Variants in SLCO1A2 observed in about 807,000 individuals in gnomAD.
The protein encoded by SLCO1A2 is solute carrier organic anion transporter family member 1A2, also known as OATP-1.
SLCO1A2 carries 67 observed loss-of-function variants against 69.0 expected under a neutral mutation model. The observed-to-expected ratio is 0.97, with a 90% CI of 0.80 to 1.19. The LOEUF (loss-of-function observed/expected upper bound fraction) is 1.19, where lower values mean the gene tolerates loss of function less well. SLCO1A2 is among the 50% of genes most tolerant of loss of function. SLCO1A2 has a pLI of 0.00. For missense variants in SLCO1A2, 787 were observed against 793.7 expected, an observed-to-expected ratio of 0.99 and a Z score of 0.10; for synonymous variants, 260 against 265.9, an observed-to-expected ratio of 0.98 and a Z score of 0.22.
In SLCO1A2 at chr12:21,283,255, A is replaced by C. The variant is rs553270517; in HGVS notation, c.1611-7831T>G. 3.3e-5 allele frequency among the ~76,000 whole-genome samples: 5 copies of C among 152,308 alleles called. No individual in the cohort carries two copies. The East Asian group carries it at 9.6e-4, about 29-fold the overall frequency. On this transcript the variant is annotated intron_variant, in intron 12 of 14. Transcript: ENST00000683939. ...AATGGAGCAGAATAGAGAACTCTGAAAAAAAATCCATTCATCTATGGTGAA... is the reference window on the plus strand; with the variant it reads ...AATGGAGCAGAATAGAGAACTCTGACAAAAAATCCATTCATCTATGGTGAA...
At chr12:21,274,160 T>G (rs562639574) in intron 14 of SLCO1A2, 1 of 186,028 alleles carries the variant, frequency 5.4e-6, no homozygotes, top group Non-Finnish European at 1.1e-5. Context: ...CAATATAAAT[T>G]GGATAGGTAT....
chr12:21,270,875 ATTG>A (rs1942696855), intron 14 of SLCO1A2, among the ~76,000 whole-genome samples: 1 of 151,658 alleles, frequency 6.6e-6, no homozygotes, highest in African/African-American at 2.4e-5. Flanking sequence ...TTTCCACAGT[ATTG>A]TTATTAGTAA....
intron 2 of SLCO1A2, among the ~76,000 whole-genome samples, chr12:21,365,354 C>A (rs1376122354): frequency 1.3e-5 from 2 of 152,182 alleles, no homozygotes; most frequent in Non-Finnish European, 2.9e-5. Context: ...ATGTAGAAAG[C>A]TGAAACTGGA....
Position 21,297,413 on chromosome 12 carries a change from A to G in SLCO1A2, c.1066T>C (p.Phe356Leu). ...QYGISSSDAI[F>L]LMGIYNLPPI... ...AGAAAAACAAACATACCCATTAGAA[A>G]GATTGCATCTGAAGATGATATTCCA... is the stretch of plus-strand genomic sequence containing the variant. Residue 356 changes from phenylalanine to leucine, a missense_variant, in exon 9 of 15, where the codon TTT becomes CTT. Coordinates refer to ENST00000683939, the MANE Select transcript of SLCO1A2 (RefSeq NM_001386879.1). 3.1e-6 allele frequency: 5 copies of G among 1,610,328 alleles called. No individual in the cohort carries two copies. Among genetic ancestry groups the G allele is most frequent in the Non-Finnish European group, 4.2e-6 (5 of 1,177,646 alleles).
upstream of SLCO1A2, among the ~76,000 whole-genome samples, chr12:21,398,708 AG>A (rs1941570984): frequency 2.6e-5 from 4 of 151,686 alleles, no homozygotes; most frequent in Non-Finnish European, 1.5e-5. Flanking sequence ...CTGGGATGCA[AG>A]GCTGGTTCAA....
At chr12:21,280,370 A>G (rs1944566227) in intron 12 of SLCO1A2, among the ~76,000 whole-genome samples, 1 of 152,160 alleles carries the variant, frequency 6.6e-6, no homozygotes, top group Admixed American at 6.5e-5. Context: ...GACACAGAAA[A>G]TAAAGGGATG....
At chr12:21,376,327 T>A in intron 1 of SLCO1A2, 1 of 362,666 alleles carries the variant, frequency 2.8e-6, no homozygotes, top group Non-Finnish European at 5.6e-6. Context: ...TTTGAGATGT[T>A]TGGACCAAAT....
rs1014008510 is a variant in SLCO1A2, at chr12:21,290,865, TAAAAG to T, written c.1610+1294_1610+1298del. ...ATTTCATAAATGGCACTGTAAAAGT[TAAAAG>T]AAAGAAGACAGACTAAGTGAAGATA... is the stretch of plus-strand genomic sequence containing the variant. On this transcript the variant is annotated intron_variant, in intron 12 of 14. Transcript: ENST00000683939. Among the ~76,000 whole-genome samples the T allele has an allele frequency of 6.4e-4, 97 of 152,200 alleles. 3 individuals carry two copies. Among genetic ancestry groups the T allele is most frequent in the Non-Finnish European group, 2.9e-4 (20 of 67,984 alleles).
upstream of SLCO1A2, among the ~76,000 whole-genome samples, chr12:21,400,247 A>G (rs984987208): frequency 5.3e-5 from 8 of 152,232 alleles, no homozygotes; most frequent in African/African-American, 1.9e-4. Flanking sequence ...AAAAGAAGAC[A>G]TTTATGCAGC....
chr12:21,316,396 T>G (rs1455574027), intron 3 of SLCO1A2, among the ~76,000 whole-genome samples: 1 of 152,098 alleles, frequency 6.6e-6, no homozygotes, highest in Non-Finnish European at 1.5e-5. Context: ...CCCTCCCTAA[T>G]CCCCTATCGT....
At chr12:21,275,746 G>A (rs1260551404) in intron 12 of SLCO1A2, among the ~76,000 whole-genome samples, 1 of 152,078 alleles carries the variant, frequency 6.6e-6, no homozygotes, top group Non-Finnish European at 1.5e-5. Flanking sequence ...CTCGAGACCA[G>A]CCTGGTCAAC....
At chr12:21,329,898 T>C (rs1215922816) in intron 2 of SLCO1A2, among the ~76,000 whole-genome samples, 1 of 151,434 alleles carries the variant, frequency 6.6e-6, no homozygotes, top group Admixed American at 6.6e-5. Context: ...TAACATAACA[T>C]GACTTTAAGA....
intron 12 of SLCO1A2, among the ~76,000 whole-genome samples, chr12:21,279,354 A>G (rs1401064549): frequency 6.6e-6 from 1 of 152,206 alleles, no homozygotes; most frequent in Middle Eastern, 3.2e-3. Context: ...TCCAAGTGCA[A>G]GAAGGTTATA....
At chr12:21,396,019 T>C (rs1423865180), upstream of SLCO1A2, among the ~76,000 whole-genome samples, 26 of 151,466 alleles carry the variant, frequency 1.7e-4, 1 homozygote, top group Admixed American at 8.6e-4. Context: ...CAAAGCTGGA[T>C]GGAGAATGAC....
chr12:21,284,525 T>G (rs11045934), intron 12 of SLCO1A2, among the ~76,000 whole-genome samples: 2 of 149,830 alleles, frequency 1.3e-5, no homozygotes, highest in Non-Finnish European at 3.0e-5. Flanking sequence ...ATCTACAGAA[T>G]TCTCCACCCC....
At chr12:21,304,090 G>A (rs961876986) in intron 6 of SLCO1A2, among the ~76,000 whole-genome samples, 5 of 152,142 alleles carry the variant, frequency 3.3e-5, no homozygotes, top group African/African-American at 4.8e-5. Flanking sequence ...TGAAAATAGC[G>A]AGAAAGGTTT....
chr12:21,395,218 A>C (rs1393220170), exon 1 of SLCO1A2: 1 of 153,242 alleles, frequency 6.5e-6, no homozygotes, highest in Non-Finnish European at 1.5e-5. Context: ...TGGGAAGCTC[A>C]AGGGGTCAGG....
In SLCO1A2 at chr12:21,406,152, T is replaced by G. The variant is rs377664211; in HGVS notation, c.-312+11730A>C. ...TTGCTAGGTTGAATGAGTAGATATA[T>G]TTAAAATGTGTGTGTGTCTGTGTGT... On this transcript the variant is annotated intron_variant, in intron 1 of 4. Transcript: ENST00000413682. 2.0e-5 allele frequency among the ~76,000 whole-genome samples: 3 copies of G among 152,206 alleles called. No individual in the cohort carries two copies. The South Asian group carries it at 6.2e-4, about 31-fold the overall frequency.
At chr12:21,396,228 G>A (rs1941453023), upstream of SLCO1A2, among the ~76,000 whole-genome samples, 1 of 151,140 alleles carries the variant, frequency 6.6e-6, no homozygotes, top group Non-Finnish European at 1.5e-5. Context: ...GAAGAATGCA[G>A]AAGCCTCAGG....
Sources: gnomAD v4.1 joint callset for allele counts (sites outside exome capture counted in the v4.1 genomes callset) on GRCh38, gnomAD v4.1.1 for gene constraint, MANE v1.5 for transcripts, NCBI Gene and HGNC (gene_info 2026-07-23, HGNC 2026-07-21) for gene names.